The following LIPI variants were observed in gnomAD, a reference collection of about 807,000 sequenced individuals.
LIPI encodes lipase member I.
In LIPI, 59 loss-of-function variants were observed where a neutral mutation model predicts 50.6. That is an observed-to-expected ratio of 1.16 (90% CI 0.94 to 1.45). The LOEUF (loss-of-function observed/expected upper bound fraction) is 1.45, where lower values mean the gene tolerates loss of function less well. Ranked by LOEUF, LIPI falls within the 40% of genes most tolerant of loss-of-function variation. LIPI has a pLI of 0.00. For missense variants in LIPI, 586 were observed against 536.3 expected (o/e 1.09, Z -0.92); for synonymous variants, 203 against 178.2 (o/e 1.14, Z -1.11).
chr21:14,168,196 A>C lies in LIPI; in HGVS notation c.644-1745T>G, dbSNP rs567397335. Among the ~76,000 whole-genome samples the C allele has an allele frequency of 1.6e-4, 24 of 152,364 alleles. No homozygotes were observed. The East Asian group carries it at 4.6e-3, about 29-fold the overall frequency. On this transcript the variant is annotated intron_variant, in intron 4 of 9. Transcript: ENST00000681601. ...ATAAAAAGAAATGAACAAAGCCTCC[A>C]AGAAATATGGGACTATGTGAAAAGA...
At chr21:14,115,336 C>CT (rs1043555449) in intron 9 of LIPI, among the ~76,000 whole-genome samples, 19 of 152,118 alleles carry the variant, frequency 1.2e-4, no homozygotes, top group African/African-American at 4.6e-4. Flanking sequence ...GATCAACTGC[C>CT]TTTTTTCTCG....
intron 4 of LIPI, among the ~76,000 whole-genome samples, chr21:14,176,595 T>A (rs2019104824): frequency 6.6e-6 from 1 of 151,792 alleles, no homozygotes; most frequent in African/African-American, 2.4e-5. Context: ...TGGATTTTAG[T>A]TATATTTTTG....
At chr21:14,138,092 T>C (rs114311432) in intron 9 of LIPI, among the ~76,000 whole-genome samples, 4,136 of 152,184 alleles carry the variant, frequency 0.027, 176 homozygotes, top group African/African-American at 0.091. Context: ...CCAGACCGTA[T>C]TGATTACAAT....
At chr21:14,174,078 A>C (rs1383687643) in intron 4 of LIPI, among the ~76,000 whole-genome samples, 2 of 152,176 alleles carry the variant, frequency 1.3e-5, no homozygotes, top group South Asian at 4.1e-4. Context: ...GAGTTCCAAG[A>C]CTAGGGGTTT....
chr21:14,132,857 A>G (rs972687570), intron 9 of LIPI, among the ~76,000 whole-genome samples: 10 of 152,210 alleles, frequency 6.6e-5, no homozygotes, highest in African/African-American at 2.4e-4. Context: ...ATCTTGAGAG[A>G]CTATTATTAA....
chr21:14,170,431 A>G (rs1257404369), intron 4 of LIPI, among the ~76,000 whole-genome samples: 3 of 152,192 alleles, frequency 2.0e-5, no homozygotes, highest in Non-Finnish European at 4.4e-5. Context: ...TTTTAGACCA[A>G]TATCCTTGAT....
intron 9 of LIPI, among the ~76,000 whole-genome samples, chr21:14,122,723 CA>C (rs1013880754): frequency 1.3e-5 from 2 of 152,188 alleles, no homozygotes; most frequent in African/African-American, 4.8e-5. Context: ...GTGTGACTAA[CA>C]CATGCAACCC....
chr21:14,168,740 G>A lies in LIPI; in HGVS notation c.644-2289C>T, dbSNP rs11909331. On this transcript the variant is annotated intron_variant, in intron 4 of 9. Transcript: ENST00000681601. ...GCACTAAACATGGAAAGGAAAAACC[G>A]GTACCAGCCACTGCAAAATCATGCC... Among the ~76,000 whole-genome samples the A allele has an allele frequency of 7.8e-3, 1,180 of 152,202 alleles. 12 individuals carry two copies. Among genetic ancestry groups the A allele is most frequent in the African/African-American group, 0.018 (748 of 41,520 alleles).
rs193149235 is a variant in LIPI at position 14,164,753 on chromosome 21, T to A, written c.901+470A>T. Among the ~76,000 whole-genome samples the A allele has an allele frequency of 1.7e-3, 266 of 152,298 alleles. 3 individuals carry two copies. The highest frequency in any genetic ancestry group is 1.9e-3 in the Non-Finnish European group (132 of 68,016). On this transcript the variant is annotated intron_variant, in intron 6 of 9. Coordinates refer to ENST00000681601, the MANE Select transcript of LIPI (RefSeq NM_001302998.2). ...CAATACTTAACTGCTCTTAGCAGGT[T>A]TATCCATTTAGAAGGTATGAACCAT...
chr21:14,196,631 A>G (rs2019868564), intron 1 of LIPI, among the ~76,000 whole-genome samples: 1 of 152,118 alleles, frequency 6.6e-6, no homozygotes, highest in South Asian at 2.1e-4. Context: ...GTTCAAGACA[A>G]GCCTGAGCAA....
intron 8 of LIPI, among the ~76,000 whole-genome samples, chr21:14,146,772 A>ATTTTTT (rs3048482): frequency 0.09 from 6,575 of 73,236 alleles, 1,678 homozygotes; most frequent in African/African-American, 0.13. Context: ...CCCAGTCTCT[A>ATTTTTT]TTTTTTTTTT....
chr21:14,187,912 G>A (rs1222928553), intron 2 of LIPI, among the ~76,000 whole-genome samples: 3 of 152,158 alleles, frequency 2.0e-5, no homozygotes, highest in African/African-American at 7.2e-5. Context: ...TTACACAGAT[G>A]ATAAAAGATG....
In LIPI at chr21:14,177,667, A is replaced by G. The variant is rs547630142; in HGVS notation, c.643+4091T>C. Among the ~76,000 whole-genome samples the G allele has an allele frequency of 1.2e-4, 19 of 152,252 alleles. No homozygotes were observed. In the South Asian group the frequency reaches 3.7e-3, roughly 30 times the overall value. Reference sequence around the variant, plus strand: ...ATTTTCACCTTCTTTCTATACAATGAAAGGAACACAGAAAGCTGGAAATTC... The same window carrying G: ...ATTTTCACCTTCTTTCTATACAATGGAAGGAACACAGAAAGCTGGAAATTC... On this transcript the variant is annotated intron_variant, in intron 4 of 9. Transcript: ENST00000681601.
chr21:14,154,297 G>A (rs2018201057), intron 7 of LIPI, among the ~76,000 whole-genome samples: 1 of 152,004 alleles, frequency 6.6e-6, no homozygotes, highest in African/African-American at 2.4e-5. Flanking sequence ...AATGTGCTGA[G>A]CATATAAACT....
At chr21:14,112,267 G>A (rs2016446435) in intron 9 of LIPI, among the ~76,000 whole-genome samples, 1 of 152,004 alleles carries the variant, frequency 6.6e-6, no homozygotes, top group African/African-American at 2.4e-5. Context: ...AAGTTATTTG[G>A]TGTGATGTCT....
chr21:14,179,829 T>C (rs2019211629), intron 4 of LIPI, among the ~76,000 whole-genome samples: 1 of 152,128 alleles, frequency 6.6e-6, no homozygotes, highest in South Asian at 2.1e-4. Flanking sequence ...TTGAACAATA[T>C]GAAATCAGTG....
At chr21:14,169,147 C>A (rs959649275) in intron 4 of LIPI, among the ~76,000 whole-genome samples, 2 of 152,142 alleles carry the variant, frequency 1.3e-5, no homozygotes, top group Non-Finnish European at 2.9e-5. Context: ...GGGATCAATT[C>A]AACAAGAAGA....
At chr21:14,176,108 T>G (rs1209916222) in intron 4 of LIPI, among the ~76,000 whole-genome samples, 4 of 150,230 alleles carry the variant, frequency 2.7e-5, no homozygotes, top group East Asian at 2.0e-4. Flanking sequence ...AACCCGGGAG[T>G]TGGAGCTTGC....
chr21:14,208,096 A>C (rs192258605), intron 1 of LIPI, among the ~76,000 whole-genome samples: 1 of 152,202 alleles, frequency 6.6e-6, no homozygotes, highest in Admixed American at 6.5e-5. Flanking sequence ...TTAATCGTGG[A>C]TCATATCAGA....
Sources: gnomAD v4.1 joint callset for allele counts (sites outside exome capture counted in the v4.1 genomes callset) on GRCh38, gnomAD v4.1.1 for gene constraint, MANE v1.5 for transcripts, NCBI Gene and HGNC (gene_info 2026-07-23, HGNC 2026-07-21) for gene names.